Variants in ALDH9A1 observed in about 807,000 individuals in gnomAD.
ALDH9A1 encodes 4-trimethylaminobutyraldehyde dehydrogenase.
Under a neutral mutation model 56.6 loss-of-function variants are expected in ALDH9A1, and 42 were observed. The observed-to-expected ratio is 0.74, with a 90% CI of 0.58 to 0.96. The LOEUF is 0.96. ALDH9A1 is among the 40% of genes least tolerant of loss of function. The pLI, the probability that ALDH9A1 is intolerant of heterozygous loss-of-function variation, is 0.00. For missense variants in ALDH9A1, 661 were observed against 651.5 expected (o/e 1.01, Z -0.16); for synonymous variants, 242 against 236.0 (o/e 1.03, Z -0.23).
chr1:165,683,164 T>A, intron 2 of ALDH9A1, 54 bp from the exon 3 acceptor site: 2 of 1,560,682 alleles, frequency 1.3e-6, no homozygotes, highest in South Asian at 2.3e-5. Context: ...TGTCTTGATG[T>A]AATTAATGCT....
chr1:165,686,510 T>G (rs937298509), intron 2 of ALDH9A1, among the ~76,000 whole-genome samples: 3 of 95,876 alleles, frequency 3.1e-5, no homozygotes, highest in East Asian at 1.2e-3. Context: ...AGAAAATGTT[T>G]TTTTTTTTAA....
At chr1:165,682,872 A>G in intron 3 of ALDH9A1, 109 bp downstream of exon 3, 1 of 1,314,756 alleles carries the variant, frequency 7.6e-7, no homozygotes. Context: ...TGACAAACCC[A>G]AGACTTTCAC....
At chr1:165,692,185 T>C (rs1053997273) in intron 2 of ALDH9A1, among the ~76,000 whole-genome samples, 15 of 152,112 alleles carry the variant, frequency 9.9e-5, no homozygotes, top group Non-Finnish European at 2.1e-4. Flanking sequence ...CTCTCACCAC[T>C]CCTATTCAAC....
intron 6 of ALDH9A1, among the ~76,000 whole-genome samples, chr1:165,675,797 A>G (rs896098273): frequency 2.0e-5 from 3 of 152,228 alleles, no homozygotes; most frequent in African/African-American, 7.2e-5. Flanking sequence ...AACTGACCCA[A>G]GTAACTTTTG....
At chr1:165,696,897 G>A (rs191087561) in intron 1 of ALDH9A1, among the ~76,000 whole-genome samples, 28 of 152,308 alleles carry the variant, frequency 1.8e-4, no homozygotes, top group Middle Eastern at 3.4e-3. Context: ...TTAAGTCGGG[G>A]TAGAGAAGCT....
chr1:165,666,142 G>C (rs938653675), intron 9 of ALDH9A1, among the ~76,000 whole-genome samples: 7 of 152,160 alleles, frequency 4.6e-5, no homozygotes, highest in Non-Finnish European at 1.0e-4. Context: ...AAAGAAGCCA[G>C]TCACAAAAGA....
rs376768135 is a variant in ALDH9A1 at position 165,663,017 on chromosome 1, C to T, written c.*33G>A. 3.9e-5 allele frequency: 61 copies of T among 1,563,932 alleles called. No individual in the cohort carries two copies. In the African/African-American group the frequency reaches 5.0e-4, roughly 13 times the overall value. The stretch of plus-strand genomic sequence containing the variant: ...AGGGCCAATTCACATCATTCCACAG[C>T]GTGGCCATGTCAATAGGTTTCACTG... On this transcript the variant is annotated 3_prime_UTR_variant, in exon 11 of 11. Transcript: ENST00000354775.
chr1:165,676,629 G>C (rs546126184), intron 6 of ALDH9A1: 22 of 338,190 alleles, frequency 6.5e-5, no homozygotes, highest in Middle Eastern at 9.8e-4. Flanking sequence ...TGAAATGCAT[G>C]AAAGAAGATG....
chr1:165,698,030 CAAAACAAACAA>C (rs1293388014), intron 1 of ALDH9A1, among the ~76,000 whole-genome samples: 4 of 151,818 alleles, frequency 2.6e-5, no homozygotes, highest in Admixed American at 6.6e-5. Context: ...GACCCTGTCT[CAAAACAAACAA>C]AAAACAAACA....
At chr1:165,664,709 A>G (rs1419558644) in intron 10 of ALDH9A1, among the ~76,000 whole-genome samples, 8 of 152,242 alleles carry the variant, frequency 5.3e-5, no homozygotes, top group Admixed American at 4.6e-4. Context: ...TTATGCTTAC[A>G]GAAGTCACAG....
At position 165,675,366 on chromosome 1, in the gene ALDH9A1, C is replaced by CCA. The variant is rs558685278; in HGVS notation, c.930+4074_930+4075dup. 1.8e-4 allele frequency among the ~76,000 whole-genome samples: 27 copies of CCA among 150,860 alleles called. 2 individuals carry two copies. In the South Asian group the frequency reaches 5.7e-3, roughly 32 times the overall value. On this transcript the variant is annotated intron_variant, in intron 6 of 10. Transcript: ENST00000354775. ...GTATTCTTTGTGTGTGTATATTCAT[C>CCA]CACACACACACATAGCAAAGAAAGC...
chr1:165,675,132 T>C (rs749668371), intron 6 of ALDH9A1, among the ~76,000 whole-genome samples: 5 of 152,052 alleles, frequency 3.3e-5, no homozygotes, highest in East Asian at 1.9e-4. Flanking sequence ...GGGGCGAAGG[T>C]TGCAGTGAAC....
intron 6 of ALDH9A1, among the ~76,000 whole-genome samples, chr1:165,673,295 A>C (rs1413443060): frequency 6.6e-6 from 1 of 152,212 alleles, no homozygotes; most frequent in African/African-American, 2.4e-5. Context: ...AAAAGATAAA[A>C]GATAACAAGT....
At chr1:165,686,920 A>G (rs1477032786) in intron 2 of ALDH9A1, among the ~76,000 whole-genome samples, 2 of 152,190 alleles carry the variant, frequency 1.3e-5, no homozygotes, top group African/African-American at 4.8e-5. Context: ...ACTAGTAGAC[A>G]AGAACATTAA....
intron 10 of ALDH9A1, among the ~76,000 whole-genome samples, chr1:165,663,552 T>C (rs1441338092): frequency 6.6e-6 from 1 of 152,202 alleles, no homozygotes; most frequent in Non-Finnish European, 1.5e-5. Flanking sequence ...TAAACACCTA[T>C]AAGAGCAACC....
intron 6 of ALDH9A1, chr1:165,671,784 A>AG (rs1179930682): frequency 3.8e-6 from 1 of 265,702 alleles, no homozygotes; most frequent in African/African-American, 2.3e-5. Context: ...CAAACAAAAA[A>AG]AAAAGAATGC....
At chr1:165,694,972 A>T (rs541726714) in intron 2 of ALDH9A1, among the ~76,000 whole-genome samples, 2 of 150,922 alleles carry the variant, frequency 1.3e-5, no homozygotes, top group South Asian at 4.2e-4. Flanking sequence ...AAAAAAAAAT[A>T]AAAATAAAAA....
chr1:165,674,273 G>C (rs10918236), intron 6 of ALDH9A1, among the ~76,000 whole-genome samples: 91,365 of 142,618 alleles, frequency 0.64, 29,498 homozygotes, highest in East Asian at 0.97. Flanking sequence ...TATGGAGTAG[G>C]CATTCTTTAT....
intron 1 of ALDH9A1, among the ~76,000 whole-genome samples, chr1:165,698,054 CA>C (rs1396521893): frequency 6.6e-6 from 1 of 151,954 alleles, no homozygotes; most frequent in Admixed American, 6.6e-5. Context: ...AACAAACAAA[CA>C]AACAAAACAA....
Sources: allele counts gnomAD v4.1 joint callset (sites outside exome capture counted in the v4.1 genomes callset), GRCh38; gene constraint gnomAD v4.1.1; transcripts MANE v1.5; gene names NCBI Gene and HGNC (gene_info 2026-07-23, HGNC 2026-07-21).